Variants in FAM167A observed in about 807,000 individuals in gnomAD.
The protein encoded by FAM167A is family with sequence similarity 167 member A, also known as protein FAM167A.
A neutral mutation model predicts 14.9 loss-of-function variants in FAM167A; 23 were observed. The observed-to-expected ratio is 1.55, with a 90% CI of 1.11 to 2.19. The LOEUF is 2.19. Ranked by LOEUF, FAM167A falls within the 30% of genes most tolerant of loss-of-function variation. The pLI is 0.00. For missense variants in FAM167A, 401 were observed against 281.5 expected (o/e 1.42, Z -3.04); for synonymous variants, 174 against 117.7 (o/e 1.48, Z -3.10).
chr8:11,438,457 A>G (rs1478054004), intron 2 of FAM167A: 3 of 457,208 alleles, frequency 6.6e-6, no homozygotes, highest in Admixed American at 2.3e-5. Context: ...CTACAGAAGT[A>G]CAAGGTGAAG....
At chr8:11,452,293 C>T (rs1484128492) in intron 1 of FAM167A, among the ~76,000 whole-genome samples, 1 of 152,240 alleles carries the variant, frequency 6.6e-6, no homozygotes, top group Non-Finnish European at 1.5e-5. Flanking sequence ...TTGCTCTGCT[C>T]CTCTGGCAGA....
At chr8:11,465,470 C>T (rs978298544) in intron 1 of FAM167A, among the ~76,000 whole-genome samples, 4 of 152,140 alleles carry the variant, frequency 2.6e-5, no homozygotes, top group Admixed American at 1.3e-4. Flanking sequence ...CCAAGGGATG[C>T]GAAGGGTTTC....
chr8:11,472,503 G>A (rs1807992143), upstream of FAM167A, among the ~76,000 whole-genome samples: 3 of 146,036 alleles, frequency 2.1e-5, no homozygotes, highest in African/African-American at 7.7e-5. Flanking sequence ...GCAGTGGCGT[G>A]ATCTCGGCTC....
intron 2 of FAM167A, among the ~76,000 whole-genome samples, chr8:11,429,203 T>A (rs1805398560): frequency 6.6e-6 from 1 of 152,220 alleles, no homozygotes; most frequent in South Asian, 2.1e-4. Flanking sequence ...AGAAGTAGAA[T>A]CACACAGTAT....
chr8:11,469,866 C>T (rs976896737), upstream of FAM167A, among the ~76,000 whole-genome samples: 11 of 149,342 alleles, frequency 7.4e-5, no homozygotes, highest in African/African-American at 2.7e-4. Flanking sequence ...GGCAACAGAG[C>T]AAGACCCTGT....
intron 1 of FAM167A, among the ~76,000 whole-genome samples, chr8:11,475,029 G>C (rs1466275274): frequency 6.6e-6 from 1 of 152,134 alleles, no homozygotes; most frequent in Non-Finnish European, 1.5e-5. Context: ...GAGTCCCCTG[G>C]ACACTGTCAG....
chr8:11,435,794 A>G (rs1805964143), intron 2 of FAM167A, among the ~76,000 whole-genome samples: 1 of 152,228 alleles, frequency 6.6e-6, no homozygotes, highest in African/African-American at 2.4e-5. Context: ...CTTACTGATA[A>G]TAATTGACCG....
At chr8:11,456,539 TGTGA>T (rs1259268400) in intron 1 of FAM167A, among the ~76,000 whole-genome samples, 4 of 143,112 alleles carry the variant, frequency 2.8e-5, no homozygotes, top group African/African-American at 5.2e-5. Flanking sequence ...CTGCTGGGTG[TGTGA>T]GTGTGAGTGT....
chr8:11,450,316 C>G (rs2117110441), intron 1 of FAM167A, among the ~76,000 whole-genome samples: 1 of 152,344 alleles, frequency 6.6e-6, no homozygotes, highest in Non-Finnish European at 1.5e-5. Context: ...TTAGCTAATG[C>G]TTACAGCACA....
chr8:11,464,381 G>C (rs1807669342), intron 1 of FAM167A, among the ~76,000 whole-genome samples: 1 of 152,160 alleles, frequency 6.6e-6, no homozygotes, highest in Non-Finnish European at 1.5e-5. Context: ...GGTGATTGCA[G>C]AGCCAGTGAG....
intron 2 of FAM167A, among the ~76,000 whole-genome samples, chr8:11,434,510 C>T (rs539498937): frequency 3.9e-5 from 6 of 152,130 alleles, no homozygotes; most frequent in East Asian, 3.9e-4. Flanking sequence ...GAGGGAGAGA[C>T]GACAGCCCCA....
In FAM167A at chr8:11,423,717, C is replaced by T. The variant is rs1804927426; in HGVS notation, c.*656G>A. 6.5e-6 allele frequency: 1 copy of T among 153,034 alleles called. No homozygotes were observed. Among genetic ancestry groups the T allele is most frequent in the South Asian group, 2.1e-4 (1 of 4,846 alleles). 9.5% of individuals were successfully genotyped at this position (153,034 alleles called of 1,614,324 possible). The stretch of plus-strand genomic sequence containing the variant: ...TGCACCCAAGCTACGCTAGTGCCCC[C>T]ATCACATGTCCCAGCACACGCCAGA... On this transcript the variant is annotated 3_prime_UTR_variant, in exon 3 of 3. Coordinates refer to ENST00000284486, the MANE Select transcript of FAM167A (RefSeq NM_053279.3).
At chr8:11,467,460 G>A (rs1210091442), upstream of FAM167A, 1 of 152,540 alleles carries the variant, frequency 6.6e-6, no homozygotes, top group African/African-American at 2.4e-5. Flanking sequence ...TCTGACGAGG[G>A]GCCCAGGCCA....
chr8:11,438,513 A>G (rs746327451), intron 2 of FAM167A: 1 of 457,196 alleles, frequency 2.2e-6, no homozygotes, highest in South Asian at 1.5e-5. Context: ...GCCTGGTGCT[A>G]GCACTTTTGC....
intron 2 of FAM167A, among the ~76,000 whole-genome samples, chr8:11,433,623 G>A (rs917188048): frequency 3.9e-5 from 6 of 152,190 alleles, no homozygotes; most frequent in Admixed American, 1.3e-4. Context: ...CCTGGAGAGC[G>A]TGGTAATCAG....
chr8:11,456,177 T>A (rs1391247580), intron 1 of FAM167A, among the ~76,000 whole-genome samples: 27 of 89,422 alleles, frequency 3.0e-4, no homozygotes, highest in Non-Finnish European at 4.9e-4. Context: ...CCTTGCTGTG[T>A]GTGTGTGTGA....
chr8:11,475,682 T>C (rs1031106404), intron 1 of FAM167A, among the ~76,000 whole-genome samples: 1 of 152,180 alleles, frequency 6.6e-6, no homozygotes, highest in Non-Finnish European at 1.5e-5. Flanking sequence ...AATTATATGA[T>C]CTGACTCAAT....
At chr8:11,445,384 C>T (rs539321259) in intron 1 of FAM167A, 140 of 985,910 alleles carry the variant, frequency 1.4e-4, no homozygotes, top group African/African-American at 6.6e-4. Flanking sequence ...TCTTACTCTA[C>T]GCTCCTAGCT....
Position 11,429,259 on chromosome 8 carries a change from G to GACA in FAM167A, c.382-4624_382-4623insTGT, listed in dbSNP as rs1805405204. On this transcript the variant is annotated intron_variant, in intron 2 of 2. Coordinates refer to ENST00000284486, the MANE Select transcript of FAM167A (RefSeq NM_053279.3). The stretch of plus-strand genomic sequence containing the variant: ...ATTTCACTTAGCATAATGTCCTCTG[G>GACA]TTTCTGATGGCTAAGAAGCTTTTTA... Among the ~76,000 whole-genome samples, 4 of 152,296 alleles carry GACA rather than the reference G, an allele frequency of 2.6e-5. No individual in the cohort carries two copies. The South Asian group carries it at 8.3e-4, about 32-fold the overall frequency.
Sources: gnomAD v4.1 joint callset for allele counts (sites outside exome capture counted in the v4.1 genomes callset) on GRCh38, gnomAD v4.1.1 for gene constraint, MANE v1.5 for transcripts, NCBI Gene and HGNC (gene_info 2026-07-23, HGNC 2026-07-21) for gene names.